The following BRD4 variants were observed in gnomAD, a reference collection of about 807,000 sequenced individuals.
The protein encoded by BRD4 is bromodomain-containing protein 4.
A neutral mutation model predicts 142.1 loss-of-function variants in BRD4; 16 were observed. The ratio of observed to expected loss-of-function variants is 0.11; its 90% CI spans 0.08 to 0.17. The LOEUF (loss-of-function observed/expected upper bound fraction) is 0.17, where lower values mean the gene tolerates loss of function less well. BRD4 is among the 10% of genes least tolerant of loss of function. The pLI is 1.00. For missense variants in BRD4, 1,424 were observed against 1,810.9 expected (o/e 0.79, Z 3.88); for synonymous variants, 833 against 707.5 (o/e 1.18, Z -2.82).
intron 1 of BRD4, among the ~76,000 whole-genome samples, chr19:15,312,558 G>A (rs941477940): frequency 6.6e-6 from 1 of 152,128 alleles, no homozygotes; most frequent in African/African-American, 2.4e-5. Context: ...CTTGAACGCG[G>A]GAGGCGGAAG....
Position 15,243,225 on chromosome 19 carries a change from C to T in BRD4, c.2844G>A (p.Val948=), listed in dbSNP as rs767143670. 27 of 1,387,468 alleles carry T rather than the reference C, an allele frequency of 1.9e-5. 2 individuals carry two copies. In the South Asian group the frequency reaches 3.5e-4, roughly 18 times the overall value. 85.9% of individuals were successfully genotyped at this position (1,387,468 alleles called of 1,614,324 possible). ...VQPPTPLLPS[V]KVQSQPPPPL... is the part of the protein sequence containing the mutation. ...GGGGTGGGGGCTGGGACTGCACCTT[C>T]ACGGAAGGGAGTAGCGGCGTAGGGG... Residue 948 remains valine, a synonymous_variant, in exon 14 of 20, where the codon GTG becomes GTA. Coordinates refer to ENST00000679869, the MANE Select transcript of BRD4 (RefSeq NM_001379291.1).
At position 15,322,881 on chromosome 19, in the gene BRD4, A is replaced by AAG. The variant is rs1555747950; in HGVS notation, c.-35+9408_-35+9409insCT. ...GACTCTGTCTCCAAAAAAAAAAAAA[A>AAG]AAAGAAAAGAAAAGAAAAATTAGCC... On this transcript the variant is annotated intron_variant, in intron 1 of 19. Transcript: ENST00000679869. Among the ~76,000 whole-genome samples the AAG allele has an allele frequency of 1.1e-3, 154 of 146,126 alleles. 1 individual carries two copies. Among genetic ancestry groups the AAG allele is most frequent in the African/African-American group, 3.8e-3 (150 of 39,344 alleles).
At chr19:15,318,815 G>A (rs8105804) in intron 1 of BRD4, among the ~76,000 whole-genome samples, 1 of 152,202 alleles carries the variant, frequency 6.6e-6, no homozygotes, top group Non-Finnish European at 1.5e-5. Flanking sequence ...TGCGGCCTTT[G>A]CAACAGACCC....
At chr19:15,249,640 CTTTTGAA>C (rs921805340) in intron 11 of BRD4, among the ~76,000 whole-genome samples, 12 of 152,160 alleles carry the variant, frequency 7.9e-5, no homozygotes, top group Non-Finnish European at 1.6e-4. Context: ...CAAGTGGCTT[CTTTTGAA>C]TTTGAGTGAT....
chr19:15,292,650 C>T (rs1451308195), intron 1 of BRD4, among the ~76,000 whole-genome samples: 1 of 151,538 alleles, frequency 6.6e-6, no homozygotes, highest in Non-Finnish European at 1.5e-5. Flanking sequence ...TGGTGGCGGG[C>T]ACCTGTAGTC....
At chr19:15,276,032 T>C (rs2047643031) in intron 1 of BRD4, among the ~76,000 whole-genome samples, 1 of 152,122 alleles carries the variant, frequency 6.6e-6, no homozygotes, top group Non-Finnish European at 1.5e-5. Flanking sequence ...GTGATATCCA[T>C]GGCCCCACAA....
At chr19:15,324,429 G>A (rs2145003797) in intron 1 of BRD4, among the ~76,000 whole-genome samples, 1 of 152,332 alleles carries the variant, frequency 6.6e-6, no homozygotes, top group Admixed American at 6.5e-5. Context: ...GGACTTAACT[G>A]GTTCTTCTGG....
chr19:15,299,672 T>G (rs1036899546), intron 1 of BRD4, among the ~76,000 whole-genome samples: 1 of 152,230 alleles, frequency 6.6e-6, no homozygotes, highest in Non-Finnish European at 1.5e-5. Context: ...CCATGGTTCC[T>G]TCAGTGGCCC....
chr19:15,273,026 T>C lies in BRD4; in HGVS notation c.74A>G (p.Gln25Arg), dbSNP rs2047606477. The C allele has an allele frequency of 6.2e-7, 1 of 1,613,860 alleles. No individual in the cohort carries two copies. Among genetic ancestry groups the C allele is most frequent in the African/African-American group, 1.3e-5 (1 of 74,932 alleles). ...GGCCTGGGCCTGTGTTGTAGACATT[T>C]GGGAAGTTTCTAGTCCATCCCCCAT... ...PVMGDGLETS[Q>R]MSTTQAQAQP... is the part of the protein sequence containing the mutation. Residue 25 changes from glutamine (Q) to arginine (R), a missense_variant, in exon 2 of 20, where the codon CAA becomes CGA. This residue lies in a region of BRD4 where 70 missense variants were observed against 69.8 expected (regional missense o/e 1.00). Coordinates refer to ENST00000679869, the MANE Select transcript of BRD4 (RefSeq NM_001379291.1).
intron 2 of BRD4, among the ~76,000 whole-genome samples, chr19:15,270,199 T>C (rs775930141): frequency 2.0e-5 from 3 of 152,194 alleles, no homozygotes; most frequent in Non-Finnish European, 4.4e-5. Context: ...GCAGGTATAC[T>C]AACAGCAAGC....
chr19:15,272,941 A>C lies in BRD4; in HGVS notation c.159T>G (p.Pro53=), dbSNP rs1568392294. The change falls in exon 2 of 20, where the codon CCT becomes CCG. Residue 53 remains proline (P), a synonymous_variant. Transcript: ENST00000679869. ...TNPPPPETSN[P]NKPKRQTNQL... ...GGTTGGTCTGCCTCTTGGGCTTGTT[A>C]GGGTTGGAGGTCTCTGGGGGCGGGG... The C allele has an allele frequency of 1.9e-6, 3 of 1,613,634 alleles. No homozygotes were observed. Among genetic ancestry groups the C allele is most frequent in the East Asian group, 2.2e-5 (1 of 44,842 alleles).
intron 1 of BRD4, among the ~76,000 whole-genome samples, chr19:15,279,784 C>T (rs2047687243): frequency 6.6e-6 from 1 of 152,198 alleles, no homozygotes; most frequent in African/African-American, 2.4e-5. Context: ...TGGGTTGGGA[C>T]CAGCTATACT....
rs199759430 is a variant in BRD4 at position 15,255,462 on chromosome 19, C to T, written c.1882G>A (p.Glu628Lys). ...LSLDINKLPG[E>K]KLGRVVHIIQ... ...ATGTGCACCACGCGGCCCAGCTTCT[C>T]GCCGGGGAGCTTGTTGATGTCCAAG... Residue 628 changes from glutamate to lysine, a missense_variant, in exon 10 of 20, where the codon GAG (glutamate) becomes AAG (lysine). Physicochemically the swap from Glu to Lys is moderately conservative, Grantham distance 56. Around this residue, in one of 16 missense-constraint regions of BRD4, gnomAD observed 46 missense variants for 110.4 expected, o/e 0.42. Coordinates refer to ENST00000679869, the MANE Select transcript of BRD4 (RefSeq NM_001379291.1). 1.9e-6 allele frequency: 3 copies of T among 1,614,164 alleles called. No homozygotes were observed. The highest frequency in any genetic ancestry group is 2.5e-6 in the Non-Finnish European group (3 of 1,180,040).
At chr19:15,272,678 C>T in intron 2 of BRD4, 137 bp downstream of exon 2, 1 of 746,234 alleles carries the variant, frequency 1.3e-6, no homozygotes, top group Non-Finnish European at 2.1e-6. Context: ...GCTGAAACCA[C>T]TCACTCAAGG....
intron 1 of BRD4, among the ~76,000 whole-genome samples, chr19:15,322,108 C>CT (rs2048066422): frequency 6.6e-6 from 1 of 152,056 alleles, no homozygotes; most frequent in South Asian, 2.1e-4. Flanking sequence ...ACATGACCCC[C>CT]CCATAAGAAA....
At chr19:15,324,724 G>C (rs1056975093) in intron 1 of BRD4, among the ~76,000 whole-genome samples, 5 of 152,224 alleles carry the variant, frequency 3.3e-5, no homozygotes, top group African/African-American at 1.2e-4. Context: ...GTTTTCATAA[G>C]ATGGGTAAGT....
chr19:15,274,331 C>T (rs142509213), intron 1 of BRD4, among the ~76,000 whole-genome samples: 116 of 152,254 alleles, frequency 7.6e-4, no homozygotes, highest in African/African-American at 2.7e-3. Context: ...TGCAGCAGGA[C>T]CAGCAAGTCC....
At chr19:15,331,652 G>A (rs1336904419) in intron 1 of BRD4, among the ~76,000 whole-genome samples, 1 of 152,070 alleles carries the variant, frequency 6.6e-6, no homozygotes, top group Non-Finnish European at 1.5e-5. Context: ...AGCACTCCGG[G>A]GACCGCCGGG....
chr19:15,296,533 T>G (rs1347378408), intron 1 of BRD4, among the ~76,000 whole-genome samples: 1 of 152,182 alleles, frequency 6.6e-6, no homozygotes, highest in Non-Finnish European at 1.5e-5. Flanking sequence ...GCCCAAAGCC[T>G]GAGGCAGAGG....
Sources: gnomAD v4.1 joint callset for allele counts (sites outside exome capture counted in the v4.1 genomes callset) on GRCh38, gnomAD v4.1.1 for gene constraint, gnomAD v4.1.1 regional missense constraint, MANE v1.5 for transcripts, NCBI Gene and HGNC (gene_info 2026-07-23, HGNC 2026-07-21) for gene names.